The following IMMP2L variants were observed in gnomAD, a reference collection of about 807,000 sequenced individuals.
IMMP2L encodes the protein inner mitochondrial membrane peptidase subunit 2.
IMMP2L carries 18 observed loss-of-function variants against 19.3 expected under a neutral mutation model. That is an observed-to-expected ratio of 0.93 (90% CI 0.64 to 1.38). The LOEUF (loss-of-function observed/expected upper bound fraction) is 1.38. Ranked by LOEUF, IMMP2L falls within the 40% of genes most tolerant of loss-of-function variation. The pLI, the probability that IMMP2L is intolerant of heterozygous loss-of-function variation, is 0.00. For missense variants in IMMP2L, 233 were observed against 218.2 expected, an observed-to-expected ratio of 1.07 and a Z score of -0.43; for synonymous variants, 76 against 73.0, an observed-to-expected ratio of 1.04 and a Z score of -0.21.
At chr7:110,857,257 A>G (rs1340767561) in intron 5 of IMMP2L, among the ~76,000 whole-genome samples, 4 of 152,022 alleles carry the variant, frequency 2.6e-5, no homozygotes, top group Admixed American at 2.6e-4. Flanking sequence ...ATCAGGTGAA[A>G]CCTATGGGGG....
At chr7:111,233,818 T>C (rs1294238939) in intron 3 of IMMP2L, among the ~76,000 whole-genome samples, 1 of 152,110 alleles carries the variant, frequency 6.6e-6, no homozygotes, top group East Asian at 1.9e-4. Context: ...AATGATTATA[T>C]ACCTTTACCA....
chr7:111,159,627 T>C (rs1805031859), intron 3 of IMMP2L, among the ~76,000 whole-genome samples: 1 of 152,154 alleles, frequency 6.6e-6, no homozygotes, highest in African/African-American at 2.4e-5. Flanking sequence ...ATAGAAGGCC[T>C]GTGTTTTGTT....
chr7:111,303,147 T>C (rs1478729332), intron 3 of IMMP2L, among the ~76,000 whole-genome samples: 1 of 152,170 alleles, frequency 6.6e-6, no homozygotes, highest in African/African-American at 2.4e-5. Context: ...ATTTTCCCCC[T>C]TAGATTGCCT....
intron 2 of IMMP2L, among the ~76,000 whole-genome samples, chr7:111,502,730 T>A (rs1430129019): frequency 6.6e-6 from 1 of 150,922 alleles, no homozygotes; most frequent in Non-Finnish European, 1.5e-5. Flanking sequence ...ACTGGGTACA[T>A]AACGAAATGA....
chr7:111,189,150 TTATTGTGGC>T (rs1282908595), intron 3 of IMMP2L, among the ~76,000 whole-genome samples: 27 of 152,260 alleles, frequency 1.8e-4, no homozygotes, highest in African/African-American at 6.3e-4. Context: ...TGTATACTTT[TTATTGTGGC>T]TATTCTCTAA....
At chr7:111,473,195 A>G (rs1367911082) in intron 3 of IMMP2L, among the ~76,000 whole-genome samples, 4 of 152,140 alleles carry the variant, frequency 2.6e-5, no homozygotes, top group African/African-American at 9.7e-5. Context: ...TAGCTAATAG[A>G]GTTAGCTATG....
intron 3 of IMMP2L, among the ~76,000 whole-genome samples, chr7:111,445,194 T>G (rs1005918786): frequency 3.9e-5 from 6 of 151,966 alleles, no homozygotes; most frequent in Non-Finnish European, 8.8e-5. Context: ...AAAAAAGTCG[T>G]GCTCTTACAC....
At chr7:111,477,954 G>T (rs1417680330) in intron 3 of IMMP2L, among the ~76,000 whole-genome samples, 1 of 151,930 alleles carries the variant, frequency 6.6e-6, no homozygotes, top group African/African-American at 2.4e-5. Flanking sequence ...ACTGCCATGT[G>T]CCCTAAATGT....
chr7:110,700,891 T>C (rs189161967), intron 5 of IMMP2L, among the ~76,000 whole-genome samples: 1 of 152,346 alleles, frequency 6.6e-6, no homozygotes, highest in East Asian at 1.9e-4. Context: ...TTTGTATGTG[T>C]TCAATTTTGG....
intron 3 of IMMP2L, among the ~76,000 whole-genome samples, chr7:111,051,222 G>T (rs1430784550): frequency 6.6e-6 from 1 of 152,180 alleles, no homozygotes; most frequent in Non-Finnish European, 1.5e-5. Flanking sequence ...GGCAAAGGGA[G>T]ACTAGTGTAT....
intron 3 of IMMP2L, among the ~76,000 whole-genome samples, chr7:111,359,500 C>T (rs1015958535): frequency 2.6e-5 from 4 of 151,950 alleles, no homozygotes; most frequent in African/African-American, 4.8e-5. Flanking sequence ...CGGGGTTTCA[C>T]CATATTGGCC....
At chr7:111,305,201 G>C (rs1822731134) in intron 3 of IMMP2L, among the ~76,000 whole-genome samples, 1 of 152,072 alleles carries the variant, frequency 6.6e-6, no homozygotes, top group African/African-American at 2.4e-5. Context: ...AGTACGAGCA[G>C]AGTTGGAGAG....
intron 2 of IMMP2L, among the ~76,000 whole-genome samples, chr7:111,519,935 C>G (rs1484730735): frequency 6.6e-6 from 1 of 151,994 alleles, no homozygotes; most frequent in African/African-American, 2.4e-5. Flanking sequence ...TGAATGGATT[C>G]AAAGGGATCC....
chr7:111,056,835 AC>A (rs1793555437), intron 3 of IMMP2L, among the ~76,000 whole-genome samples: 1 of 152,018 alleles, frequency 6.6e-6, no homozygotes, highest in South Asian at 2.1e-4. Context: ...AATCATCTTC[AC>A]CTTGAGTAGG....
intron 3 of IMMP2L, among the ~76,000 whole-genome samples, chr7:111,020,399 C>T (rs984601997): frequency 3.3e-5 from 5 of 151,790 alleles, no homozygotes; most frequent in African/African-American, 4.8e-5. Flanking sequence ...AACAAGCAAA[C>T]GAAAAAACCA....
At chr7:110,736,324 C>T (rs73714342) in intron 5 of IMMP2L, among the ~76,000 whole-genome samples, 2,736 of 152,292 alleles carry the variant, frequency 0.018, 85 homozygotes, top group African/African-American at 0.063. Flanking sequence ...GCAGAGTCCC[C>T]ATTGGGGCAA....
intron 3 of IMMP2L, chr7:111,124,283 C>A: frequency 6.2e-7 from 1 of 1,613,924 alleles, no homozygotes; most frequent in Non-Finnish European, 8.5e-7. Flanking sequence ...CTAGTTGGCG[C>A]TGACTTGAAG....
At chr7:111,428,771 A>G (rs1836337873) in intron 3 of IMMP2L, among the ~76,000 whole-genome samples, 1 of 151,836 alleles carries the variant, frequency 6.6e-6, no homozygotes, top group South Asian at 2.1e-4. Context: ...TAATGCTTCA[A>G]ACTATATTAT....
In IMMP2L at chr7:110,977,217, A is replaced by C. The variant is rs140924062; in HGVS notation, c.240-13652T>G. On this transcript the variant is annotated intron_variant, in intron 3 of 5. Transcript: ENST00000405709. ...TGTATGGTACTAGCTTACAAAACAC[A>C]TCTTATTACAATCAATGGCATGCAT... Among the ~76,000 whole-genome samples the C allele has an allele frequency of 9.9e-3, 1,505 of 152,060 alleles. 22 individuals are homozygous for C. The highest frequency in any genetic ancestry group is 0.033 in the African/African-American group (1,391 of 41,526).
Sources: allele counts gnomAD v4.1 joint callset (sites outside exome capture counted in the v4.1 genomes callset), GRCh38; gene constraint gnomAD v4.1.1; transcripts MANE v1.5; gene names NCBI Gene and HGNC (gene_info 2026-07-23, HGNC 2026-07-21).